Variants in CAMTA1 observed in about 807,000 individuals in gnomAD.
CAMTA1 encodes calmodulin-binding transcription activator 1.
In CAMTA1, 27 loss-of-function variants were observed where a neutral mutation model predicts 170.9. That is an observed-to-expected ratio of 0.16 (90% confidence interval 0.12 to 0.22). CAMTA1 has a LOEUF of 0.22. Ranked by LOEUF, CAMTA1 falls within the 10% of genes least tolerant of loss-of-function variation. The pLI, the probability that CAMTA1 is intolerant of heterozygous loss-of-function variation, is 1.00. For synonymous variants in CAMTA1, 833 were observed against 891.5 expected, an observed-to-expected ratio of 0.93 and a Z score of 1.17; for missense variants, 1,619 against 2,217.2, an observed-to-expected ratio of 0.73 and a Z score of 5.42.
chr1:7,449,256 C>T (rs557487497), intron 5 of CAMTA1, among the ~76,000 whole-genome samples: 131 of 152,310 alleles, frequency 8.6e-4, no homozygotes, highest in Non-Finnish European at 1.5e-3. Flanking sequence ...GCTTCTTAAC[C>T]CAGCGAAGCT....
chr1:6,846,506 T>A (rs1190138123), intron 3 of CAMTA1, among the ~76,000 whole-genome samples: 2 of 152,254 alleles, frequency 1.3e-5, no homozygotes, highest in African/African-American at 4.8e-5. Flanking sequence ...GAAGGTTTTT[T>A]AAAAAGTTCA....
intron 6 of CAMTA1, among the ~76,000 whole-genome samples, chr1:7,471,610 C>A (rs2093331533): frequency 6.6e-6 from 1 of 152,236 alleles, no homozygotes; most frequent in Non-Finnish European, 1.5e-5. Context: ...AGGGCCAGGC[C>A]CAGGTCACCC....
chr1:7,481,769 C>T (rs977126208), intron 6 of CAMTA1, among the ~76,000 whole-genome samples: 1 of 151,180 alleles, frequency 6.6e-6, no homozygotes, highest in African/African-American at 2.4e-5. Context: ...AGGTGCATAG[C>T]ATTAACCAAA....
intron 5 of CAMTA1, among the ~76,000 whole-genome samples, chr1:7,409,673 G>C (rs558249522): frequency 6.6e-6 from 1 of 152,088 alleles, no homozygotes; most frequent in African/African-American, 2.4e-5. Context: ...AGGAACAAGG[G>C]CTCAGAGAAG....
At chr1:6,805,609 G>A (rs1225005367) in intron 1 of CAMTA1, among the ~76,000 whole-genome samples, 1 of 152,136 alleles carries the variant, frequency 6.6e-6, no homozygotes, top group Non-Finnish European at 1.5e-5. Flanking sequence ...GGGCTTAAGC[G>A]GTCCTCCCAC....
chr1:7,205,826 G>A (rs1657630072), intron 4 of CAMTA1, among the ~76,000 whole-genome samples: 1 of 152,054 alleles, frequency 6.6e-6, no homozygotes, highest in Admixed American at 6.6e-5. Context: ...TTTTCTTCTA[G>A]TACTCGTATG....
At chr1:6,991,600 T>C (rs1696378478) in intron 3 of CAMTA1, among the ~76,000 whole-genome samples, 1 of 152,270 alleles carries the variant, frequency 6.6e-6, no homozygotes, top group South Asian at 2.1e-4. Context: ...GTAGTTTATA[T>C]ATTCTGGATA....
chr1:7,332,763 A>G (rs905461188), intron 5 of CAMTA1, among the ~76,000 whole-genome samples: 1 of 152,218 alleles, frequency 6.6e-6, no homozygotes, highest in Admixed American at 6.5e-5. Flanking sequence ...CAGGCTGAGC[A>G]AAGCAGGCAG....
At chr1:7,047,164 C>T (rs956849835) in intron 3 of CAMTA1, among the ~76,000 whole-genome samples, 1 of 152,140 alleles carries the variant, frequency 6.6e-6, no homozygotes, top group South Asian at 2.1e-4. Context: ...AGTGGAGTCT[C>T]CTCCCCCACA....
At chr1:6,912,432 C>T (rs890426909) in intron 3 of CAMTA1, among the ~76,000 whole-genome samples, 15 of 152,212 alleles carry the variant, frequency 9.9e-5, no homozygotes, top group African/African-American at 3.6e-4. Context: ...ATTAAAGTGG[C>T]TTTCTTCCTG....
rs571939191 is a variant in CAMTA1, at chr1:6,790,572, T to C, written c.45+4997T>C. Among the ~76,000 whole-genome samples the C allele has an allele frequency of 2.9e-3, 441 of 152,242 alleles. 8 individuals are homozygous for C. The highest frequency in any genetic ancestry group is 6.8e-3 in the Middle Eastern group (2 of 294). ...CAAATGTATTTTTTATATAAGGAAG[T>C]GGTAGAAAAATATTTTTTTCTTCGG... On this transcript the variant is annotated intron_variant, in intron 1 of 22. Coordinates refer to ENST00000303635, the MANE Select transcript of CAMTA1 (RefSeq NM_015215.4).
intron 4 of CAMTA1, among the ~76,000 whole-genome samples, chr1:7,155,174 G>A (rs1009542695): frequency 6.6e-6 from 1 of 152,184 alleles, no homozygotes; most frequent in African/African-American, 2.4e-5. Flanking sequence ...GGTGTGGGGG[G>A]CTGTGGGCCG....
intron 6 of CAMTA1, among the ~76,000 whole-genome samples, chr1:7,506,677 C>A (rs1053115793): frequency 1.3e-5 from 2 of 151,426 alleles, no homozygotes; most frequent in African/African-American, 4.9e-5. Flanking sequence ...ACTCTAACAT[C>A]TCATGCTCAC....
In CAMTA1 at chr1:7,731,076, CAT is replaced by C. The variant is rs111829874; in HGVS notation, c.2915-1371_2915-1370del. 6.4e-4 allele frequency among the ~76,000 whole-genome samples: 97 copies of C among 152,188 alleles called. No individual in the cohort carries two copies. The Middle Eastern group carries it at 0.01, about 16-fold the overall frequency. On this transcript the variant is annotated intron_variant, in intron 11 of 22. Transcript: ENST00000303635. ...ACATGGATAGGTGACCCAATTCTAA[CAT>C]GTGTATGTTTGTGTGTGCATGCACA...
intron 7 of CAMTA1, among the ~76,000 whole-genome samples, chr1:7,650,237 C>T (rs1335963121): frequency 1.3e-5 from 2 of 152,226 alleles, no homozygotes; most frequent in Non-Finnish European, 2.9e-5. Context: ...GAATTCCCAG[C>T]CTGGTAACAA....
At chr1:7,001,656 C>A (rs1340720720) in intron 3 of CAMTA1, among the ~76,000 whole-genome samples, 1 of 152,188 alleles carries the variant, frequency 6.6e-6, no homozygotes, top group African/African-American at 2.4e-5. Context: ...TCAAAGGATG[C>A]TGGTCTTCAC....
At chr1:6,810,890 G>A (rs575083664) in intron 1 of CAMTA1, among the ~76,000 whole-genome samples, 2 of 152,308 alleles carry the variant, frequency 1.3e-5, no homozygotes, top group Admixed American at 1.3e-4. Context: ...GGTGGTGACG[G>A]GATTAGAAGG....
rs1217361658 is a variant in CAMTA1, at chr1:7,673,188, C to G, written c.2779+2151C>G. 6.6e-6 allele frequency among the ~76,000 whole-genome samples: 1 copy of G among 152,254 alleles called. No individual in the cohort carries two copies. The highest frequency in any genetic ancestry group is 1.5e-5 in the Non-Finnish European group (1 of 68,042). On this transcript the variant is annotated intron_variant, in intron 10 of 22. Transcript: ENST00000303635. The surrounding 1 kb of genome is among the most constrained non-coding windows in gnomAD (Gnocchi z 4.6). ...GCTGCTTAGGTCTGCTCTCAGTTAT[C>G]TGACCCCTCTACAGAAAAAGAAAGG...
At chr1:7,276,344 C>T (rs563816147) in intron 5 of CAMTA1, among the ~76,000 whole-genome samples, 2 of 93,606 alleles carry the variant, frequency 2.1e-5, no homozygotes, top group African/African-American at 9.2e-5. Context: ...GAATCTTGCT[C>T]TGTCACCCAG....
Sources: gnomAD v4.1 joint callset for allele counts (sites outside exome capture counted in the v4.1 genomes callset) on GRCh38, gnomAD v4.1.1 for gene constraint, Gnocchi (gnomAD v3.1) non-coding constraint, MANE v1.5 for transcripts, NCBI Gene and HGNC (gene_info 2026-07-23, HGNC 2026-07-21) for gene names.